Variants in GNAQ observed in about 807,000 individuals in gnomAD.
GNAQ encodes guanine nucleotide-binding protein G(q) subunit alpha.
In GNAQ, 8 loss-of-function variants were observed where a neutral mutation model predicts 43.9. The ratio of observed to expected loss-of-function variants is 0.18; its 90% CI spans 0.11 to 0.33. The LOEUF is 0.33. Among genes scored for constraint, GNAQ ranks in the 10% least tolerant of loss-of-function variants. The pLI is 1.00. For missense variants in GNAQ, 158 were observed against 450.8 expected, an observed-to-expected ratio of 0.35 and a Z score of 5.88; for synonymous variants, 155 against 170.7, an observed-to-expected ratio of 0.91 and a Z score of 0.71.
chr9:77,836,665 A>AGT (rs1564125862), intron 2 of GNAQ, among the ~76,000 whole-genome samples: 1 of 152,222 alleles, frequency 6.6e-6, no homozygotes, highest in East Asian at 1.9e-4. Flanking sequence ...CAAAACCACA[A>AGT]GATGTTTAAA....
intron 1 of GNAQ, among the ~76,000 whole-genome samples, chr9:77,983,609 T>C (rs966752879): frequency 4.6e-5 from 7 of 152,188 alleles, no homozygotes; most frequent in Non-Finnish European, 7.3e-5. Flanking sequence ...TTGGTGTATG[T>C]TGCCTTTTGC....
chr9:77,791,574 A>T (rs1826574973), intron 5 of GNAQ, among the ~76,000 whole-genome samples: 1 of 152,224 alleles, frequency 6.6e-6, no homozygotes, highest in African/African-American at 2.4e-5. Flanking sequence ...CCTTCTTTGA[A>T]GGAAAAAAGA....
rs570916721 is a variant in GNAQ, at chr9:77,860,794, T to C, written c.322-45024A>G. On this transcript the variant is annotated intron_variant, in intron 2 of 6. Coordinates refer to ENST00000286548, the MANE Select transcript of GNAQ (RefSeq NM_002072.5). Reference sequence around the variant, plus strand: ...TATTTCCCTGGCTCTTCCGTGGAGGTTGCCTCAGGCTAGATGTACTCCCAG... The same window carrying C: ...TATTTCCCTGGCTCTTCCGTGGAGGCTGCCTCAGGCTAGATGTACTCCCAG... 2.6e-5 allele frequency among the ~76,000 whole-genome samples: 4 copies of C among 151,968 alleles called. No homozygotes were observed. The East Asian group carries it at 5.8e-4, about 22-fold the overall frequency.
intron 1 of GNAQ, among the ~76,000 whole-genome samples, chr9:78,001,030 A>T (rs1823636942): frequency 6.6e-6 from 1 of 152,148 alleles, no homozygotes; most frequent in South Asian, 2.1e-4. Context: ...GCAAATAAAG[A>T]AATTAAACAA....
At chr9:77,775,168 A>C (rs548710270) in intron 5 of GNAQ, among the ~76,000 whole-genome samples, 1 of 152,130 alleles carries the variant, frequency 6.6e-6, no homozygotes, top group South Asian at 2.1e-4. Context: ...TGAATTTGTT[A>C]ATCGATTTCC....
intron 2 of GNAQ, among the ~76,000 whole-genome samples, chr9:77,901,162 C>T (rs944786577): frequency 6.6e-6 from 1 of 152,162 alleles, no homozygotes; most frequent in Non-Finnish European, 1.5e-5. Context: ...GTGTAGTACC[C>T]GATAGTAGTA....
intron 1 of GNAQ, among the ~76,000 whole-genome samples, chr9:77,963,429 C>T (rs1207546915): frequency 6.6e-6 from 1 of 152,080 alleles, no homozygotes; most frequent in Non-Finnish European, 1.5e-5. Flanking sequence ...CAGCTACAGT[C>T]AAGAGTGGAG....
intron 3 of GNAQ, 37 bp downstream of exon 3, chr9:77,815,579 G>C (rs778978341): frequency 7.0e-6 from 10 of 1,422,702 alleles, no homozygotes; most frequent in Non-Finnish European, 9.8e-6. Context: ...TGGAAGTAAA[G>C]AGAAAAATCC....
chr9:77,736,743 G>A (rs1009287757), intron 5 of GNAQ, among the ~76,000 whole-genome samples: 2 of 152,040 alleles, frequency 1.3e-5, no homozygotes, highest in Non-Finnish European at 2.9e-5. Flanking sequence ...GAGAGACAAA[G>A]GAGAGTAGAG....
At chr9:77,944,504 T>G (rs2118353857) in intron 1 of GNAQ, among the ~76,000 whole-genome samples, 1 of 152,248 alleles carries the variant, frequency 6.6e-6, no homozygotes, top group Middle Eastern at 3.4e-3. Context: ...TCCACCAAAC[T>G]TACCATTCAG....
At chr9:77,792,593 G>A (rs1345107978) in intron 5 of GNAQ, among the ~76,000 whole-genome samples, 1 of 152,164 alleles carries the variant, frequency 6.6e-6, no homozygotes, top group Non-Finnish European at 1.5e-5. Flanking sequence ...TGAATTAGCT[G>A]ATGAGTTGCC....
rs559220558 is a variant in GNAQ at position 78,024,573 on chromosome 9, T to C, written c.136+6527A>G. On this transcript the variant is annotated intron_variant, in intron 1 of 6. Coordinates refer to ENST00000286548, the MANE Select transcript of GNAQ (RefSeq NM_002072.5). ...TGTGATCCCCAGGAAGCTCCTACAA[T>C]GGCCTTCAGATTATTTTGTCTCTTT... Among the ~76,000 whole-genome samples the C allele has an allele frequency of 2.6e-5, 4 of 152,304 alleles. No individual in the cohort carries two copies. The East Asian group carries it at 5.8e-4, about 22-fold the overall frequency.
chr9:77,997,134 T>G (rs983568100), intron 1 of GNAQ, among the ~76,000 whole-genome samples: 3 of 152,232 alleles, frequency 2.0e-5, no homozygotes, highest in African/African-American at 7.2e-5. Flanking sequence ...AAACCCAGGC[T>G]AGGTGATGCG....
At chr9:77,872,002 G>A (rs1456318962) in intron 2 of GNAQ, among the ~76,000 whole-genome samples, 1 of 152,096 alleles carries the variant, frequency 6.6e-6, no homozygotes. Context: ...TTATTCCAGG[G>A]CTAATAAGAT....
chr9:77,724,177 T>C lies in GNAQ; in HGVS notation c.890-2664A>G, dbSNP rs79383839. 4.3e-3 allele frequency among the ~76,000 whole-genome samples: 648 copies of C among 152,212 alleles called. 4 individuals carry two copies. The highest frequency in any genetic ancestry group is 0.015 in the African/African-American group (619 of 41,528). ...CTCCTATTTTTTCAAGTTAGTTCTA[T>C]ACCAAGCAATAAGAAACTTTTTTTT... On this transcript the variant is annotated intron_variant, in intron 6 of 6. Coordinates refer to ENST00000286548, the MANE Select transcript of GNAQ (RefSeq NM_002072.5).
chr9:77,842,970 C>T (rs1311865326), intron 2 of GNAQ, among the ~76,000 whole-genome samples: 4 of 152,024 alleles, frequency 2.6e-5, no homozygotes, highest in Admixed American at 6.6e-5. Context: ...AGTCTTTGAG[C>T]GCAAACCTTT....
At chr9:77,921,916 C>T in intron 2 of GNAQ, among the ~76,000 whole-genome samples, 1 of 152,078 alleles carries the variant, frequency 6.6e-6, no homozygotes, top group Non-Finnish European at 1.5e-5. Flanking sequence ...TCCAAATATG[C>T]CTTTCATTGA....
intron 4 of GNAQ, among the ~76,000 whole-genome samples, chr9:77,796,816 A>G (rs1826666542): frequency 6.6e-6 from 1 of 152,178 alleles, no homozygotes; most frequent in South Asian, 2.1e-4. Context: ...GACACTACTT[A>G]ATTTCTGTGA....
rs143979448 is a variant in GNAQ, at chr9:78,015,006, A to G, written c.136+16094T>C. Among the ~76,000 whole-genome samples the G allele has an allele frequency of 7.9e-5, 12 of 152,332 alleles. 1 individual carries two copies. In the East Asian group the frequency reaches 2.3e-3, roughly 29 times the overall value. ...ACAAACCTACCAAGCTGCCAGTTGT[A>G]CAAAAGTGTACAGTCATGTCCTAGA... On this transcript the variant is annotated intron_variant, in intron 1 of 6. Coordinates refer to ENST00000286548, the MANE Select transcript of GNAQ (RefSeq NM_002072.5).
Sources: allele counts gnomAD v4.1 joint callset (sites outside exome capture counted in the v4.1 genomes callset), GRCh38; gene constraint gnomAD v4.1.1; transcripts MANE v1.5; gene names NCBI Gene and HGNC (gene_info 2026-07-23, HGNC 2026-07-21).